The following BORCS5 variants were observed in gnomAD, a reference collection of about 807,000 sequenced individuals.
BORCS5 encodes the protein BLOC-1-related complex subunit 5.
A neutral mutation model predicts 22.1 loss-of-function variants in BORCS5; 17 were observed. That is an observed-to-expected ratio of 0.77 (90% confidence interval 0.53 to 1.15). The LOEUF is 1.15. Ranked by LOEUF, BORCS5 falls within the 50% of genes most tolerant of loss-of-function variation. BORCS5 has a pLI of 0.00. For synonymous variants in BORCS5, 117 were observed against 99.8 expected, an observed-to-expected ratio of 1.17 and a Z score of -1.03; for missense variants, 247 against 253.2, an observed-to-expected ratio of 0.98 and a Z score of 0.17.
Position 12,357,110 on chromosome 12 carries a change from C to G in BORCS5, c.-342C>G, listed in dbSNP as rs371578720. 4 of 1,534,464 alleles carry G rather than the reference C, an allele frequency of 2.6e-6. No homozygotes were observed. Among genetic ancestry groups the G allele is most frequent in the Admixed American group, 3.9e-5 (2 of 50,878 alleles). On this transcript the variant is annotated 5_prime_UTR_variant, in exon 1 of 4. Transcript: ENST00000314565. The stretch of plus-strand genomic sequence containing the variant: ...TCCCGGAAGGAGCGAGCTTGCGGAG[C>G]GTGAACCAGTGAGTGAAAGCGGCGC...
intron 2 of BORCS5, among the ~76,000 whole-genome samples, chr12:12,369,511 AT>A (rs945163399): frequency 6.6e-6 from 1 of 151,066 alleles, no homozygotes. Context: ...CATTACAAAA[AT>A]TTTTTTTTAG....
intron 2 of BORCS5, among the ~76,000 whole-genome samples, chr12:12,382,934 T>C (rs1351575278): frequency 6.6e-6 from 1 of 151,462 alleles, no homozygotes; most frequent in East Asian, 1.9e-4. Flanking sequence ...TGATGTTTCA[T>C]CCAGTCTGAC....
At position 12,357,339 on chromosome 12, in the gene BORCS5, C is replaced by T; in HGVS notation, c.-113C>T. On this transcript the variant is annotated 5_prime_UTR_variant, in exon 1 of 4. Coordinates refer to ENST00000314565, the MANE Select transcript of BORCS5 (RefSeq NM_058169.6). ...CCCACACATTAGCCTCGCTGCGGCGCCCAGACTCTGCTTTGCCTCCCCGTC... is the reference window on the plus strand; with the variant it reads ...CCCACACATTAGCCTCGCTGCGGCGTCCAGACTCTGCTTTGCCTCCCCGTC... 6.7e-7 allele frequency: 1 copy of T among 1,486,964 alleles called. No individual in the cohort carries two copies. The highest frequency in any genetic ancestry group is 9.0e-7 in the Non-Finnish European group (1 of 1,112,306). 92.1% of individuals were successfully genotyped at this position (1,486,964 alleles called of 1,614,324 possible). A position where few individuals can be genotyped will look rare whatever the true frequency, so the allele number is the denominator to read the frequency against.
intron 3 of BORCS5, among the ~76,000 whole-genome samples, chr12:12,437,529 A>T (rs1423323808): frequency 6.6e-6 from 1 of 152,188 alleles, no homozygotes; most frequent in African/African-American, 2.4e-5. Flanking sequence ...GTTCTACAAA[A>T]CTAGTCCCAT....
rs1943254830 is a variant in BORCS5 at position 12,469,481 on chromosome 12, AG to A, written c.*3707del. 2 of 152,260 alleles carry A rather than the reference AG, an allele frequency of 1.3e-5. No homozygotes were observed. The highest frequency in any genetic ancestry group is 4.8e-5 in the African/African-American group (2 of 41,460). The allele number at this position is 152,260 out of a possible 1,614,324, so 9.4% of individuals were successfully genotyped here. Reference sequence around the variant, plus strand: ...TTTGCGGCTTCTTCAGTTATGAAAGAGGTTGGTACTGTTACCCTTACGTTAT... The same window carrying A: ...TTTGCGGCTTCTTCAGTTATGAAAGAGTTGGTACTGTTACCCTTACGTTAT... On this transcript the variant is annotated 3_prime_UTR_variant, in exon 4 of 4. Transcript: ENST00000314565.
chr12:12,390,291 G>A (rs999606283), intron 2 of BORCS5, among the ~76,000 whole-genome samples: 3 of 152,012 alleles, frequency 2.0e-5, no homozygotes, highest in East Asian at 1.9e-4. Context: ...CCCACTAGAA[G>A]GCAAGTTTGT....
chr12:12,365,204 G>A (rs1363341685), intron 2 of BORCS5, among the ~76,000 whole-genome samples: 1 of 152,064 alleles, frequency 6.6e-6, no homozygotes, highest in Non-Finnish European at 1.5e-5. Flanking sequence ...AGAGGTTATC[G>A]GGGATTTGGT....
At chr12:12,431,329 T>C (rs1178774033) in intron 2 of BORCS5, among the ~76,000 whole-genome samples, 2 of 152,178 alleles carry the variant, frequency 1.3e-5, no homozygotes, top group South Asian at 2.1e-4. Flanking sequence ...TCTTTTCTTA[T>C]AGTTGAGGTA....
intron 2 of BORCS5, among the ~76,000 whole-genome samples, chr12:12,397,449 C>T (rs1333009922): frequency 2.0e-5 from 3 of 152,200 alleles, no homozygotes; most frequent in Non-Finnish European, 2.9e-5. Flanking sequence ...GCTGGGAATT[C>T]GCTTCTGCAT....
chr12:12,415,783 GTTTTC>G lies in BORCS5; in HGVS notation c.203-19837_203-19833del, dbSNP rs1219072397. ...TGTTTGTAAGGTAAATTGGTCTACAGTTTTCTTTTCTTGTAGTGTTTTTGTCTTGC... is the reference window on the plus strand; with the variant it reads ...TGTTTGTAAGGTAAATTGGTCTACAGTTTTCTTGTAGTGTTTTTGTCTTGC... On this transcript the variant is annotated intron_variant, in intron 2 of 3. Coordinates refer to ENST00000314565, the MANE Select transcript of BORCS5 (RefSeq NM_058169.6). Among the ~76,000 whole-genome samples, 13 of 152,096 alleles carry G rather than the reference GTTTTC, an allele frequency of 8.5e-5. No individual in the cohort carries two copies. The South Asian group carries it at 1.9e-3, about 22-fold the overall frequency.
At position 12,414,585 on chromosome 12, in the gene BORCS5, C is replaced by T. The variant is rs111772941; in HGVS notation, c.203-21043C>T. ...CTGACCCCCCCACCTCCCTCCTGGA[C>T]GGGGCGACTGGCTGGGCAGAGGGGC... On this transcript the variant is annotated intron_variant, in intron 2 of 3. Coordinates refer to ENST00000314565, the MANE Select transcript of BORCS5 (RefSeq NM_058169.6). Among the ~76,000 whole-genome samples, 758 of 77,346 alleles carry T rather than the reference C, an allele frequency of 9.8e-3. 14 individuals carry two copies. The highest frequency in any genetic ancestry group is 0.021 in the East Asian group (59 of 2,752). 50.7% of individuals were successfully genotyped at this position (77,346 alleles called of 152,430 possible).
chr12:12,408,601 T>C (rs1354847700), intron 2 of BORCS5, among the ~76,000 whole-genome samples: 1 of 152,322 alleles, frequency 6.6e-6, no homozygotes, highest in Non-Finnish European at 1.5e-5. Context: ...CTACTTTCTT[T>C]CTCTATGATT....
At chr12:12,439,993 TGAG>T (rs1169392423) in intron 3 of BORCS5, among the ~76,000 whole-genome samples, 1 of 152,186 alleles carries the variant, frequency 6.6e-6, no homozygotes, top group African/African-American at 2.4e-5. Flanking sequence ...GTTGGAAAGA[TGAG>T]GAAGTAACAT....
At chr12:12,365,181 G>A (rs1294088584) in intron 2 of BORCS5, among the ~76,000 whole-genome samples, 1 of 152,062 alleles carries the variant, frequency 6.6e-6, no homozygotes, top group African/African-American at 2.4e-5. Flanking sequence ...CTAGTAAGGA[G>A]CAGATTATAG....
Position 12,414,120 on chromosome 12 carries a change from C to G in BORCS5, c.203-21508C>G, listed in dbSNP as rs1368463480. ...GGCCGGGCGGGGGGCTGACCCCCCC[C>G]ACCTCCCTCCTGGACGGGGCGGCTG... On this transcript the variant is annotated intron_variant, in intron 2 of 3. Coordinates refer to ENST00000314565, the MANE Select transcript of BORCS5 (RefSeq NM_058169.6). Among the ~76,000 whole-genome samples the G allele has an allele frequency of 1.7e-3, 158 of 92,432 alleles. 4 individuals carry two copies. The highest frequency in any genetic ancestry group is 2.7e-3 in the South Asian group (8 of 3,006). 60.6% of individuals were successfully genotyped at this position (92,432 alleles called of 152,430 possible). A position where few individuals can be genotyped will look rare whatever the true frequency, so the allele number is the denominator to read the frequency against.
chr12:12,394,401 A>C lies in BORCS5; in HGVS notation c.202+33052A>C, dbSNP rs568232241. Among the ~76,000 whole-genome samples, 108 of 152,184 alleles carry C rather than the reference A, an allele frequency of 7.1e-4. 2 individuals are homozygous for C. The South Asian group carries it at 0.019, about 27-fold the overall frequency. Reference sequence around the variant, plus strand: ...AGGGCTTCCTGTTATTAAAATACACAGGAATTAATACATGGGATTTAACTA... The same window carrying C: ...AGGGCTTCCTGTTATTAAAATACACCGGAATTAATACATGGGATTTAACTA... On this transcript the variant is annotated intron_variant, in intron 2 of 3. Coordinates refer to ENST00000314565, the MANE Select transcript of BORCS5 (RefSeq NM_058169.6).
intron 3 of BORCS5, among the ~76,000 whole-genome samples, chr12:12,437,093 C>G (rs928505689): frequency 2.0e-5 from 3 of 152,082 alleles, no homozygotes; most frequent in Non-Finnish European, 2.9e-5. Flanking sequence ...TGGCTGTGTC[C>G]CTACCCAAAT....
chr12:12,365,655 C>T (rs954376207), intron 2 of BORCS5, among the ~76,000 whole-genome samples: 9 of 151,436 alleles, frequency 5.9e-5, no homozygotes, highest in Admixed American at 4.0e-4. Context: ...CTTGTGAAGA[C>T]GAAACATCTT....
In BORCS5 at chr12:12,470,314, C is replaced by T. The variant is rs573754232; in HGVS notation, c.*4538C>T. ...CAAACTCCTGACCTCGTGATCTGCC[C>T]GACTTGGCCTCCCAAAGTACTGGGA... On this transcript the variant is annotated 3_prime_UTR_variant, in exon 4 of 4. Coordinates refer to ENST00000314565, the MANE Select transcript of BORCS5 (RefSeq NM_058169.6). Among the ~76,000 whole-genome samples the T allele has an allele frequency of 9.9e-5, 15 of 152,206 alleles. No individual in the cohort carries two copies. The highest frequency in any genetic ancestry group is 1.9e-4 in the African/African-American group (8 of 41,528).
Sources: allele counts gnomAD v4.1 joint callset (sites outside exome capture counted in the v4.1 genomes callset), GRCh38; gene constraint gnomAD v4.1.1; transcripts MANE v1.5; gene names NCBI Gene and HGNC (gene_info 2026-07-23, HGNC 2026-07-21).